NSUN6: variants seen among roughly 807,000 people sequenced by gnomAD.
The protein encoded by NSUN6 is tRNA (cytosine(72)-C(5))-methyltransferase NSUN6.
In NSUN6, 64 loss-of-function variants were observed where a neutral mutation model predicts 58.0. The ratio of observed to expected loss-of-function variants is 1.10; its 90% CI spans 0.90 to 1.36. NSUN6 has a LOEUF of 1.36. NSUN6 is among the 40% of genes most tolerant of loss of function. NSUN6 has a pLI of 0.00. For synonymous variants in NSUN6, 231 were observed against 193.9 expected (o/e 1.19, Z -1.59); for missense variants, 701 against 550.1 (o/e 1.27, Z -2.74).
intron 2 of NSUN6, among the ~76,000 whole-genome samples, chr10:18,645,964 G>A (rs1465539937): frequency 6.6e-6 from 1 of 152,174 alleles, no homozygotes; most frequent in Non-Finnish European, 1.5e-5. Context: ...GGAAGCCAAG[G>A]CACGCAGATC....
chr10:18,630,733 T>C (rs1250059602), intron 3 of NSUN6, among the ~76,000 whole-genome samples: 1 of 152,074 alleles, frequency 6.6e-6, no homozygotes, highest in African/African-American at 2.4e-5. Flanking sequence ...AATAGACCAA[T>C]AACAGGAGCT....
intron 8 of NSUN6, among the ~76,000 whole-genome samples, chr10:18,560,467 G>C (rs2055407994): frequency 6.6e-6 from 1 of 151,006 alleles, no homozygotes. Flanking sequence ...CTGGTGAATA[G>C]AAAGGAATGG....
chr10:18,592,659 T>C (rs1488360415), intron 7 of NSUN6, among the ~76,000 whole-genome samples: 1 of 152,058 alleles, frequency 6.6e-6, no homozygotes, highest in Non-Finnish European at 1.5e-5. Flanking sequence ...AAACTGGCTG[T>C]CCATATGCAG....
intron 6 of NSUN6, 108 bp downstream of exon 6, chr10:18,609,737 T>C (rs1338833758): frequency 4.5e-6 from 3 of 667,070 alleles, no homozygotes; most frequent in Non-Finnish European, 8.0e-6. Context: ...TCAGTGTATG[T>C]AAGTAGACCA....
intron 8 of NSUN6, among the ~76,000 whole-genome samples, chr10:18,566,526 T>A (rs948369483): frequency 3.3e-5 from 5 of 149,346 alleles, no homozygotes; most frequent in Admixed American, 6.7e-5. Flanking sequence ...TCCACTCCAT[T>A]CTACATTCCT....
intron 3 of NSUN6, among the ~76,000 whole-genome samples, chr10:18,641,397 G>A (rs1229093079): frequency 1.4e-5 from 2 of 147,760 alleles, no homozygotes; most frequent in Admixed American, 6.8e-5. Context: ...ACAAGGTCCC[G>A]CTCTGTCTCC....
At chr10:18,616,093 T>C (rs2058399465) in intron 4 of NSUN6, 91 bp downstream of exon 4, 3 of 767,450 alleles carry the variant, frequency 3.9e-6, no homozygotes, top group Non-Finnish European at 6.5e-6. Flanking sequence ...AAATTTGGAA[T>C]ATATCTTAGT....
chr10:18,651,691 A>C (rs999978201), upstream of NSUN6: 1 of 985,296 alleles, frequency 1.0e-6, no homozygotes, highest in Non-Finnish European at 1.2e-6. Flanking sequence ...CCCCCAATCC[A>C]CAGCCGCAAG....
chr10:18,552,354 T>C (rs2054659249), intron 8 of NSUN6, among the ~76,000 whole-genome samples: 1 of 150,204 alleles, frequency 6.7e-6, no homozygotes, highest in African/African-American at 2.4e-5. Context: ...AGAAAATGCC[T>C]GTTTGACTGT....
chr10:18,571,037 C>A (rs975733967), intron 8 of NSUN6, among the ~76,000 whole-genome samples: 1 of 150,598 alleles, frequency 6.6e-6, no homozygotes, highest in Middle Eastern at 3.6e-3. Context: ...CCATTCTCTA[C>A]TTTCCATTCC....
At chr10:18,634,335 G>A (rs971737116) in intron 3 of NSUN6, among the ~76,000 whole-genome samples, 9 of 152,142 alleles carry the variant, frequency 5.9e-5, no homozygotes, top group African/African-American at 2.2e-4. Flanking sequence ...ACATCCCTAT[G>A]ACTAGACAGT....
chr10:18,589,833 T>C, intron 7 of NSUN6, among the ~76,000 whole-genome samples: 1 of 152,116 alleles, frequency 6.6e-6, no homozygotes, highest in East Asian at 1.9e-4. Context: ...AACGACACTA[T>C]GAAGAAACTG....
chr10:18,623,345 G>C (rs1262039564), intron 3 of NSUN6, among the ~76,000 whole-genome samples: 1 of 152,012 alleles, frequency 6.6e-6, no homozygotes, highest in Non-Finnish European at 1.5e-5. Flanking sequence ...GGCAATGAAA[G>C]GGGGGGAAAA....
chr10:18,637,819 G>A (rs992927578), intron 3 of NSUN6, among the ~76,000 whole-genome samples: 1 of 152,248 alleles, frequency 6.6e-6, no homozygotes, highest in Non-Finnish European at 1.5e-5. Context: ...ATAATTGTGA[G>A]ACGATATCCA....
chr10:18,643,325 C>T (rs114195422), intron 2 of NSUN6, among the ~76,000 whole-genome samples: 1,686 of 151,556 alleles, frequency 0.011, 35 homozygotes, highest in African/African-American at 0.039. Context: ...TGACAGGGAC[C>T]GTATACTCTA....
chr10:18,561,825 G>A (rs982786598), intron 8 of NSUN6, among the ~76,000 whole-genome samples: 1 of 150,742 alleles, frequency 6.6e-6, no homozygotes, highest in African/African-American at 2.5e-5. Context: ...TGAATAGAAT[G>A]GAATGGAGAA....
intron 2 of NSUN6, among the ~76,000 whole-genome samples, chr10:18,645,403 G>T (rs1415993740): frequency 6.6e-6 from 1 of 152,134 alleles, no homozygotes; most frequent in African/African-American, 2.4e-5. Context: ...AGAATTTCAT[G>T]TTAGACTTGG....
At chr10:18,599,557 T>C (rs895535678) in intron 6 of NSUN6, among the ~76,000 whole-genome samples, 12 of 152,278 alleles carry the variant, frequency 7.9e-5, no homozygotes, top group Admixed American at 5.9e-4. Flanking sequence ...AAAATCACCC[T>C]AGGTGATTCT....
chr10:18,560,580 G>A (rs1406633060), intron 8 of NSUN6, among the ~76,000 whole-genome samples: 2 of 149,728 alleles, frequency 1.3e-5, no homozygotes, highest in Non-Finnish European at 3.0e-5. Flanking sequence ...AATGGAGGAT[G>A]GTATGGAGAA....
Sources: allele counts gnomAD v4.1 joint callset (sites outside exome capture counted in the v4.1 genomes callset), GRCh38; gene constraint gnomAD v4.1.1; transcripts MANE v1.5; gene names NCBI Gene and HGNC (gene_info 2026-07-23, HGNC 2026-07-21).